TCTN1: variants seen among roughly 807,000 people sequenced by gnomAD.
TCTN1 encodes the protein tectonic family member 1.
In TCTN1, 58 loss-of-function variants were observed where a neutral mutation model predicts 65.8. The observed-to-expected ratio is 0.88, with a 90% CI of 0.71 to 1.10. TCTN1 has a LOEUF of 1.10. Among genes scored for constraint, TCTN1 ranks in the 50% least tolerant of loss-of-function variants. TCTN1 has a pLI of 0.00. For missense variants in TCTN1, 645 were observed against 719.4 expected (o/e 0.90, Z 1.18); for synonymous variants, 273 against 289.1 (o/e 0.94, Z 0.57).
At position 110,616,186 on chromosome 12, in the gene TCTN1, T is replaced by A; in HGVS notation, c.220+1784T>A. 3 of 373,832 alleles carry A rather than the reference T, an allele frequency of 8.0e-6. 1 individual carries two copies. The highest frequency in any genetic ancestry group is 5.8e-5 in the South Asian group (3 of 51,544). 23.2% of individuals were successfully genotyped at this position (373,832 alleles called of 1,614,324 possible). A position where few individuals can be genotyped will look rare whatever the true frequency, so the allele number is the denominator to read the frequency against. On this transcript the variant is annotated intron_variant, in intron 1 of 14. Coordinates refer to ENST00000397659, the MANE Select transcript of TCTN1 (RefSeq NM_001082538.3). ...AATAAAGCTATGCTTGAAACATCAT[T>A]ATTATAGCATGTGTTCAAGGCTGTT...
At chr12:110,622,419 G>T (rs1029131454) in intron 2 of TCTN1, among the ~76,000 whole-genome samples, 4 of 152,138 alleles carry the variant, frequency 2.6e-5, no homozygotes, top group African/African-American at 7.2e-5. Context: ...AGAGCTTACC[G>T]TCGAGTAAGG....
chr12:110,614,196 G>A lies in TCTN1; in HGVS notation c.14G>A (p.Gly5Asp), dbSNP rs572300029. Reference sequence around the variant, plus strand: ...ACTCCCTGGGAGATGAGGCCGCGAGGTCTCCCGCCGCTCCTGGTGGTGCTC... The same window carrying A: ...ACTCCCTGGGAGATGAGGCCGCGAGATCTCCCGCCGCTCCTGGTGGTGCTC... MRPR[G>D]LPPLLVVLLG... The change falls in exon 1 of 15, where the codon GGT becomes GAT. Residue 5 changes from glycine (G) to aspartate (D), a missense_variant. Gly to Asp is a moderately conservative substitution (Grantham distance 94, BLOSUM62 -1). Transcript: ENST00000397659. 69 of 1,553,488 alleles carry A rather than the reference G, an allele frequency of 4.4e-5. No homozygotes were observed. The East Asian group carries it at 7.9e-4, about 18-fold the overall frequency.
chr12:110,621,966 CG>C (rs2065459853), intron 2 of TCTN1, among the ~76,000 whole-genome samples: 1 of 151,430 alleles, frequency 6.6e-6, no homozygotes, highest in Non-Finnish European at 1.5e-5. Flanking sequence ...AGTGAAACCC[CG>C]TGTCTACTAA....
Position 110,632,996 on chromosome 12 carries a change from T to C in TCTN1, c.712+437T>C, listed in dbSNP as rs547207055. Among the ~76,000 whole-genome samples the C allele has an allele frequency of 4.6e-5, 7 of 152,354 alleles. No homozygotes were observed. The East Asian group carries it at 1.3e-3, about 29-fold the overall frequency. On this transcript the variant is annotated intron_variant, in intron 5 of 14. Coordinates refer to ENST00000397659, the MANE Select transcript of TCTN1 (RefSeq NM_001082538.3). Reference sequence around the variant, plus strand: ...TGTATGTGTTTTCCCTTAAATACTCTCTGTAATCCCTTGAGGCCAGGTTAG... The same window carrying C: ...TGTATGTGTTTTCCCTTAAATACTCCCTGTAATCCCTTGAGGCCAGGTTAG...
rs554786534 is a variant in TCTN1, at chr12:110,614,345, G to T, written c.163G>T (p.Gly55Trp). ...FGTFPSTRPP[G>W]TPRAPGPSSG... is the part of the protein sequence containing the mutation. ...AACTTTCCCGTCGACCAGGCCCCCC[G>T]GGACTCCCAGGGCTCCAGGGCCCTC... The change falls in exon 1 of 15, where the codon GGG (glycine) becomes TGG (tryptophan). Residue 55 changes from glycine (G) to tryptophan (W), a missense_variant. Physicochemically the swap from Gly to Trp is radical, Grantham distance 184 (BLOSUM62 -2). Transcript: ENST00000397659. The T allele has an allele frequency of 1.1e-5, 18 of 1,606,540 alleles. No homozygotes were observed. Among genetic ancestry groups the T allele is most frequent in the Non-Finnish European group, 1.5e-5 (18 of 1,177,382 alleles).
At chr12:110,622,706 G>A (rs2065525479) in intron 2 of TCTN1, among the ~76,000 whole-genome samples, 2 of 152,114 alleles carry the variant, frequency 1.3e-5, no homozygotes, top group African/African-American at 4.8e-5. Flanking sequence ...GTGTAGGAAA[G>A]AGATCAGGGG....
At chr12:110,628,397 G>GA in intron 3 of TCTN1, among the ~76,000 whole-genome samples, 1 of 149,802 alleles carries the variant, frequency 6.7e-6, no homozygotes, top group Non-Finnish European at 1.5e-5. Flanking sequence ...CTGGAGTGCA[G>GA]TGGCGCTATC....
At position 110,632,505 on chromosome 12, in the gene TCTN1, C is replaced by T; in HGVS notation, c.658C>T (p.Leu220=). The T allele has an allele frequency of 6.2e-7, 1 of 1,614,078 alleles. No homozygotes were observed. Among genetic ancestry groups the T allele is most frequent in the African/African-American group, 1.3e-5 (1 of 75,050 alleles). Residue 220 remains leucine (L), a synonymous_variant, in exon 5 of 15, where the codon CTG becomes TTG. Coordinates refer to ENST00000397659, the MANE Select transcript of TCTN1 (RefSeq NM_001082538.3). The part of the protein sequence containing the change: ...GVPLQTSDSF[L]RFPSSLTSSL... ...TCCTCTGCAGACTTCAGATTCGTTT[C>T]TGAGATTTCCTTCGTCCCTGACATC...
intron 11 of TCTN1, 23 bp downstream of exon 11, chr12:110,642,412 T>C: frequency 6.2e-7 from 1 of 1,614,152 alleles, no homozygotes; most frequent in Non-Finnish European, 8.5e-7. Context: ...CTTGTTTCTG[T>C]TTGAACTTGT....
chr12:110,627,561 A>G (rs936365752), intron 3 of TCTN1, among the ~76,000 whole-genome samples: 8 of 152,242 alleles, frequency 5.3e-5, no homozygotes, highest in Non-Finnish European at 1.0e-4. Flanking sequence ...CCGTATACTT[A>G]TCTTAAAAGT....
intron 1 of TCTN1, among the ~76,000 whole-genome samples, chr12:110,617,345 A>AT (rs57738866): frequency 1.9e-3 from 271 of 144,704 alleles, no homozygotes; most frequent in Middle Eastern, 0.011. Flanking sequence ...ACGGGGTACT[A>AT]TTTTTTTTTT....
At chr12:110,643,385 G>A (rs753718036) in intron 11 of TCTN1, 3 of 152,148 alleles carry the variant, frequency 2.0e-5, no homozygotes, top group Admixed American at 6.5e-5. Flanking sequence ...ATCAAACAGC[G>A]CTGCGCAGCT....
At chr12:110,626,590 G>T in intron 3 of TCTN1, 98 bp downstream of exon 3, 2 of 1,291,062 alleles carry the variant, frequency 1.5e-6, no homozygotes, top group Non-Finnish European at 2.1e-6. Flanking sequence ...TATGATTATG[G>T]TTTTTTTGAG....
intron 3 of TCTN1, chr12:110,628,095 A>G: frequency 6.5e-7 from 1 of 1,536,030 alleles, no homozygotes; most frequent in Non-Finnish European, 8.7e-7. Flanking sequence ...GTGAGAGTAG[A>G]AGTCGGATTC....
intron 5 of TCTN1, among the ~76,000 whole-genome samples, chr12:110,634,025 A>G (rs538643987): frequency 1.3e-5 from 2 of 152,350 alleles, no homozygotes; most frequent in African/African-American, 4.8e-5. Context: ...CACATCTATA[A>G]TACTAATTAT....
At chr12:110,624,901 CACTAAACCTTCCAGACG>C (rs895053380) in intron 2 of TCTN1, among the ~76,000 whole-genome samples, 36 of 152,160 alleles carry the variant, frequency 2.4e-4, no homozygotes, top group Non-Finnish European at 8.8e-5. Context: ...AACTTGTAAG[CACTAAACCTTCCAGACG>C]ACTGATCTCA....
chr12:110,640,578 C>A lies in TCTN1; in HGVS notation c.978+61C>A. 1 of 1,612,304 alleles carries A rather than the reference C, an allele frequency of 6.2e-7. No individual in the cohort carries two copies. The highest frequency in any genetic ancestry group is 8.5e-7 in the Non-Finnish European group (1 of 1,179,338). ...GGCAGACTTAAGCCTCTTGTTGCGC[C>A]GGGGTAACTGGACGCCCTCCGAGGA... is the stretch of plus-strand genomic sequence containing the variant. On this transcript the variant is annotated intron_variant, in intron 8 of 14. Coordinates refer to ENST00000397659, the MANE Select transcript of TCTN1 (RefSeq NM_001082538.3). This position sits in a 1 kb window ranked among gnomAD's most constrained non-coding sequence, Gnocchi z 4.9.
At chr12:110,628,944 T>C (rs1295361449) in intron 4 of TCTN1, 26 bp downstream of exon 4, 5 of 1,612,504 alleles carry the variant, frequency 3.1e-6, no homozygotes, top group Non-Finnish European at 4.2e-6. Flanking sequence ...ATTGATTCTT[T>C]TCATCCCATC....
chr12:110,647,610 A>G, intron 13 of TCTN1, 139 bp from the exon 14 acceptor site: 3 of 1,324,334 alleles, frequency 2.3e-6, no homozygotes, highest in Admixed American at 1.8e-5. Flanking sequence ...ATCCAAGTTA[A>G]TGGCCAATTA....
Sources: gnomAD v4.1 joint callset for allele counts (sites outside exome capture counted in the v4.1 genomes callset) on GRCh38, gnomAD v4.1.1 for gene constraint, Gnocchi (gnomAD v3.1) non-coding constraint, MANE v1.5 for transcripts, NCBI Gene and HGNC (gene_info 2026-07-23, HGNC 2026-07-21) for gene names.